The following PPARGC1A variants were observed in gnomAD, a reference collection of about 807,000 sequenced individuals.
PPARGC1A encodes the protein peroxisome proliferator-activated receptor gamma coactivator 1-alpha.
Under a neutral mutation model 88.7 loss-of-function variants are expected in PPARGC1A, and 25 were observed. The ratio of observed to expected loss-of-function variants is 0.28; its 90% CI spans 0.21 to 0.39. The LOEUF is 0.39. PPARGC1A is among the 10% of genes least tolerant of loss of function. PPARGC1A has a pLI of 1.00. For synonymous variants in PPARGC1A, 363 were observed against 355.6 expected (o/e 1.02, Z -0.24); for missense variants, 880 against 968.7 (o/e 0.91, Z 1.22).
the PPARGC1A span, among the ~76,000 whole-genome samples, chr4:24,329,012 C>G: frequency 1.3e-5 from 2 of 152,238 alleles, no homozygotes; most frequent in African/African-American, 4.8e-5. Flanking sequence ...TTAGCAGGCA[C>G]AGCTGACCCT....
chr4:23,972,011 T>C, the PPARGC1A span, among the ~76,000 whole-genome samples: 5 of 152,332 alleles, frequency 3.3e-5, no homozygotes, highest in Admixed American at 6.5e-5. Context: ...GACCATCCTC[T>C]GTACTTAGAA....
At chr4:23,956,370 C>T in the PPARGC1A span, among the ~76,000 whole-genome samples, 99 of 152,184 alleles carry the variant, frequency 6.5e-4, no homozygotes, top group African/African-American at 2.3e-3. Flanking sequence ...CTTGGGACCA[C>T]GATCTCAGTA....
chr4:24,188,579 A>T, the PPARGC1A span, among the ~76,000 whole-genome samples: 1 of 152,146 alleles, frequency 6.6e-6, no homozygotes, highest in Non-Finnish European at 1.5e-5. Context: ...TCCCAATGTG[A>T]TCTTAAAATC....
chr4:23,878,137 A>C (rs1715175722), intron 2 of PPARGC1A, among the ~76,000 whole-genome samples: 1 of 152,164 alleles, frequency 6.6e-6, no homozygotes, highest in African/African-American at 2.4e-5. Context: ...TTGATGAGCC[A>C]GTTGAGACTC....
At position 23,804,759 on chromosome 4, in the gene PPARGC1A, T is replaced by C. The variant is rs79208837; in HGVS notation, c.2020-2414A>G. On this transcript the variant is annotated intron_variant, in intron 10 of 12. Transcript: ENST00000264867. ...CTGTGCACCTTCCTTCCCAAAGCCT[T>C]TGCACATGCTCTTTCCCTGCTACTG... 1.8e-3 allele frequency among the ~76,000 whole-genome samples: 268 copies of C among 152,218 alleles called. 1 individual carries two copies. Among genetic ancestry groups the C allele is most frequent in the African/African-American group, 5.9e-3 (247 of 41,548 alleles).
the PPARGC1A span, among the ~76,000 whole-genome samples, chr4:24,289,181 C>T: frequency 0.34 from 48,332 of 141,954 alleles, 8,175 homozygotes; most frequent in Admixed American, 0.46. Flanking sequence ...GATCACACCA[C>T]TGCACTCCAG....
the PPARGC1A span, among the ~76,000 whole-genome samples, chr4:24,121,970 G>A: frequency 5.3e-5 from 8 of 152,142 alleles, no homozygotes; most frequent in Non-Finnish European, 1.2e-4. Context: ...AAGTGACTGG[G>A]AAGAGCGCGT....
chr4:24,032,279 GGGCACAAGTGT>G, the PPARGC1A span, among the ~76,000 whole-genome samples: 1 of 152,048 alleles, frequency 6.6e-6, no homozygotes, highest in East Asian at 1.9e-4. Context: ...TATAAATGAG[GGGCACAAGTGT>G]GCCAAGGCTG....
chr4:24,184,055 CT>C, the PPARGC1A span, among the ~76,000 whole-genome samples: 1 of 152,166 alleles, frequency 6.6e-6, no homozygotes, highest in African/African-American at 2.4e-5. Context: ...CTTCTGTCCT[CT>C]GATATCATTA....
the PPARGC1A span, among the ~76,000 whole-genome samples, chr4:24,195,733 C>T: frequency 2.6e-5 from 4 of 152,130 alleles, no homozygotes; most frequent in Non-Finnish European, 4.4e-5. Flanking sequence ...TCATATTCTT[C>T]CATTTTTCCC....
the PPARGC1A span, among the ~76,000 whole-genome samples, chr4:23,946,864 T>C: frequency 6.6e-6 from 1 of 151,886 alleles, no homozygotes; most frequent in Non-Finnish European, 1.5e-5. Flanking sequence ...GTAACCATTG[T>C]CATTAACTGC....
chr4:24,057,671 C>T, the PPARGC1A span, among the ~76,000 whole-genome samples: 1 of 152,122 alleles, frequency 6.6e-6, no homozygotes. Flanking sequence ...ATCCCTCTTC[C>T]TCAGAAGAGG....
chr4:23,984,054 T>C, the PPARGC1A span, among the ~76,000 whole-genome samples: 1 of 152,130 alleles, frequency 6.6e-6, no homozygotes, highest in Admixed American at 6.5e-5. Context: ...TGTATGTGTA[T>C]TTTTCTTCAA....
chr4:24,275,634 T>C, the PPARGC1A span, among the ~76,000 whole-genome samples: 6 of 152,196 alleles, frequency 3.9e-5, no homozygotes, highest in African/African-American at 1.4e-4. Flanking sequence ...GCAATTATTG[T>C]CAAATTTAGT....
the PPARGC1A span, among the ~76,000 whole-genome samples, chr4:24,408,917 A>G: frequency 1.3e-5 from 2 of 152,254 alleles, no homozygotes; most frequent in Non-Finnish European, 2.9e-5. Context: ...CAGAAAAGGT[A>G]ATCAGAAAAC....
At chr4:23,910,442 A>AAT in the PPARGC1A span, among the ~76,000 whole-genome samples, 3 of 120,908 alleles carry the variant, frequency 2.5e-5, no homozygotes, top group South Asian at 2.3e-4. Flanking sequence ...TATATATATT[A>AAT]ATATATATAT....
At chr4:24,335,508 C>A in the PPARGC1A span, among the ~76,000 whole-genome samples, 1 of 152,112 alleles carries the variant, frequency 6.6e-6, no homozygotes, top group African/African-American at 2.4e-5. Context: ...TTGTGAATGC[C>A]AGCCAACAAC....
At chr4:24,433,037 G>A in the PPARGC1A span, among the ~76,000 whole-genome samples, 173 of 152,294 alleles carry the variant, frequency 1.1e-3, no homozygotes, top group Non-Finnish European at 1.7e-3. Flanking sequence ...CCCATGAAAA[G>A]AACTTCTGCC....
At chr4:23,913,281 G>T in the PPARGC1A span, among the ~76,000 whole-genome samples, 1,998 of 124,996 alleles carry the variant, frequency 0.016, 19 homozygotes, top group East Asian at 0.022. Context: ...GAGAGAGAGA[G>T]AGAGAGAGAG....
Sources: allele counts gnomAD v4.1 joint callset (sites outside exome capture counted in the v4.1 genomes callset), GRCh38; gene constraint gnomAD v4.1.1; transcripts MANE v1.5; gene names NCBI Gene and HGNC (gene_info 2026-07-23, HGNC 2026-07-21).